Variants in RASAL2 observed in about 807,000 individuals in gnomAD.
RASAL2 encodes ras GTPase-activating protein nGAP.
In RASAL2, 58 loss-of-function variants were observed where a neutral mutation model predicts 128.9. That is an observed-to-expected ratio of 0.45 (90% confidence interval 0.36 to 0.56). The LOEUF (loss-of-function observed/expected upper bound fraction) is 0.56, where lower values mean the gene tolerates loss of function less well. RASAL2 is among the 20% of genes least tolerant of loss of function. The pLI, the probability that RASAL2 is intolerant of heterozygous loss-of-function variation, is 0.00. For synonymous variants in RASAL2, 561 were observed against 580.8 expected, an observed-to-expected ratio of 0.97 and a Z score of 0.49; for missense variants, 1,360 against 1,601.6, an observed-to-expected ratio of 0.85 and a Z score of 2.57.
chr1:178,198,904 G>A (rs1571618491), intron 1 of RASAL2, among the ~76,000 whole-genome samples: 1 of 152,178 alleles, frequency 6.6e-6, no homozygotes, highest in African/African-American at 2.4e-5. Context: ...GTTTTGTTCA[G>A]CTGTGCCCTG....
At chr1:178,208,180 C>T (rs565707795) in intron 1 of RASAL2, among the ~76,000 whole-genome samples, 39 of 152,192 alleles carry the variant, frequency 2.6e-4, no homozygotes, top group East Asian at 1.3e-3. Context: ...AGAATAACAG[C>T]GATTTTTAGG....
At chr1:178,304,696 G>A (rs945144919) in intron 3 of RASAL2, among the ~76,000 whole-genome samples, 4 of 152,140 alleles carry the variant, frequency 2.6e-5, no homozygotes, top group African/African-American at 9.6e-5. Flanking sequence ...CTTCTTAAAC[G>A]TTTGCCTGTG....
intron 1 of RASAL2, among the ~76,000 whole-genome samples, chr1:178,236,581 G>T (rs1664251375): frequency 6.6e-6 from 1 of 151,980 alleles, no homozygotes; most frequent in African/African-American, 2.4e-5. Context: ...GTTTTCCAAG[G>T]AAGTCTTAAA....
intron 1 of RASAL2, among the ~76,000 whole-genome samples, chr1:178,165,741 G>A (rs976599714): frequency 6.6e-6 from 1 of 152,112 alleles, no homozygotes; most frequent in African/African-American, 2.4e-5. Flanking sequence ...GAATGTTTGA[G>A]TTTCAGAACT....
intron 3 of RASAL2, among the ~76,000 whole-genome samples, chr1:178,349,258 T>TAAAA (rs1163062770): frequency 9.0e-6 from 1 of 110,812 alleles, no homozygotes; most frequent in Non-Finnish European, 1.9e-5. Context: ...GTCTCTACTT[T>TAAAA]AAAAAAAAAA....
intron 1 of RASAL2, among the ~76,000 whole-genome samples, chr1:178,113,548 G>GTGTGTGTA (rs1659417468): frequency 6.6e-6 from 1 of 150,590 alleles, no homozygotes; most frequent in African/African-American, 2.5e-5. Flanking sequence ...GTGTGTGTGT[G>GTGTGTGTA]TGTGTGTGTG....
intron 1 of RASAL2, among the ~76,000 whole-genome samples, chr1:178,236,532 T>C (rs1360119804): frequency 6.6e-6 from 1 of 152,208 alleles, no homozygotes; most frequent in Non-Finnish European, 1.5e-5. Flanking sequence ...TTCTCAAGCC[T>C]ATAAAGATTA....
intron 6 of RASAL2, 144 bp from the exon 7 acceptor site, chr1:178,441,405 T>G (rs775094391): frequency 1.8e-6 from 1 of 571,216 alleles, no homozygotes; most frequent in Non-Finnish European, 3.2e-6. Flanking sequence ...GAGACCATGT[T>G]TTTCTTATCT....
chr1:178,397,816 AT>A (rs1673344221), intron 4 of RASAL2, among the ~76,000 whole-genome samples: 1 of 148,698 alleles, frequency 6.7e-6, no homozygotes, highest in South Asian at 2.2e-4. Flanking sequence ...GATCTTGCTT[AT>A]GTTGCCCAGG....
chr1:178,380,364 A>T (rs1190084972), intron 3 of RASAL2, among the ~76,000 whole-genome samples: 1 of 152,334 alleles, frequency 6.6e-6, no homozygotes, highest in East Asian at 1.9e-4. Flanking sequence ...ACAATTTAAT[A>T]TACATAAAGG....
intron 9 of RASAL2, among the ~76,000 whole-genome samples, chr1:178,448,275 T>C (rs1677148617): frequency 6.6e-6 from 1 of 152,080 alleles, no homozygotes; most frequent in Non-Finnish European, 1.5e-5. Flanking sequence ...AGTCAGAAAT[T>C]ATGGAAGGTA....
At chr1:178,287,564 C>T (rs570131265) in intron 2 of RASAL2, among the ~76,000 whole-genome samples, 3 of 152,174 alleles carry the variant, frequency 2.0e-5, no homozygotes, top group East Asian at 1.9e-4. Context: ...CAGCACAATT[C>T]GCAATTGCAA....
chr1:178,096,005 A>G (rs1345946438), intron 1 of RASAL2, among the ~76,000 whole-genome samples: 1 of 152,050 alleles, frequency 6.6e-6, no homozygotes, highest in South Asian at 2.1e-4. Context: ...TCTTGATGTT[A>G]CTCTACGTAC....
At chr1:178,417,469 A>G (rs1674834703) in intron 4 of RASAL2, among the ~76,000 whole-genome samples, 1 of 152,156 alleles carries the variant, frequency 6.6e-6, no homozygotes, top group Admixed American at 6.5e-5. Flanking sequence ...ATGATATGAT[A>G]TGTGCCACAA....
chr1:178,261,809 C>T (rs1318591511), intron 1 of RASAL2, among the ~76,000 whole-genome samples: 3 of 151,360 alleles, frequency 2.0e-5, no homozygotes, highest in Admixed American at 6.6e-5. Flanking sequence ...CCCAGCTACT[C>T]AGGAGGCTGA....
intron 1 of RASAL2, among the ~76,000 whole-genome samples, chr1:178,096,045 C>T (rs905846207): frequency 4.6e-5 from 7 of 152,116 alleles, no homozygotes; most frequent in Non-Finnish European, 8.8e-5. Flanking sequence ...GAGTGGGAGA[C>T]GATGCAAGGT....
At chr1:178,424,452 A>G (rs1167634047) in intron 5 of RASAL2, among the ~76,000 whole-genome samples, 1 of 146,008 alleles carries the variant, frequency 6.8e-6, no homozygotes, top group South Asian at 2.1e-4. Flanking sequence ...CCTTATCTTC[A>G]CTCATTACAC....
chr1:178,456,567 C>A, intron 12 of RASAL2, 154 bp from the exon 13 acceptor site: 1 of 777,500 alleles, frequency 1.3e-6, no homozygotes, highest in Non-Finnish European at 2.2e-6. Context: ...TGCTCCATAA[C>A]AATGCATTAT....
chr1:178,236,832 C>T (rs1452446301), intron 1 of RASAL2, among the ~76,000 whole-genome samples: 5 of 145,580 alleles, frequency 3.4e-5, no homozygotes, highest in Admixed American at 7.0e-5. Flanking sequence ...GGTGCGATCT[C>T]GGCTCACTGC....
Sources: gnomAD v4.1 joint callset for allele counts (sites outside exome capture counted in the v4.1 genomes callset) on GRCh38, gnomAD v4.1.1 for gene constraint, MANE v1.5 for transcripts, NCBI Gene and HGNC (gene_info 2026-07-23, HGNC 2026-07-21) for gene names.